The following CALN1 variants were observed in gnomAD, a reference collection of about 807,000 sequenced individuals.
CALN1 encodes calneuron 1.
CALN1 carries 17 observed loss-of-function variants against 30.6 expected under a neutral mutation model. That is an observed-to-expected ratio of 0.56 (90% confidence interval 0.38 to 0.83). The LOEUF is 0.83. Among genes scored for constraint, CALN1 ranks in the 40% least tolerant of loss-of-function variants. The pLI, the probability that CALN1 is intolerant of heterozygous loss-of-function variation, is 0.00. For missense variants in CALN1, 291 were observed against 354.9 expected, an observed-to-expected ratio of 0.82 and a Z score of 1.45; for synonymous variants, 156 against 131.4, an observed-to-expected ratio of 1.19 and a Z score of -1.28.
rs75413325 is a variant in CALN1, at chr7:72,305,753, A to T, written c.120-26943T>A. Among the ~76,000 whole-genome samples the T allele has an allele frequency of 9.5e-3, 1,454 of 152,336 alleles. 12 individuals are homozygous for T. The highest frequency in any genetic ancestry group is 0.014 in the Non-Finnish European group (947 of 68,046). ...AGACTACAGACCGGGTGGCTTAAAC[A>T]ACAGAAATTAATTTTCTTATAGCCT... On this transcript the variant is annotated intron_variant, in intron 2 of 6. Coordinates refer to ENST00000395275, the MANE Select transcript of CALN1 (RefSeq NM_031468.4).
chr7:72,190,552 G>C (rs1490760415), intron 3 of CALN1, among the ~76,000 whole-genome samples: 1 of 152,210 alleles, frequency 6.6e-6, no homozygotes, highest in East Asian at 1.9e-4. Context: ...CCAAATGCTA[G>C]TTAATACAAA....
chr7:72,313,440 G>A (rs568322676), intron 2 of CALN1, among the ~76,000 whole-genome samples: 1 of 152,266 alleles, frequency 6.6e-6, no homozygotes, highest in South Asian at 2.1e-4. Flanking sequence ...CACCCAGGCT[G>A]AAGTGGAGTG....
the CALN1 span, among the ~76,000 whole-genome samples, chr7:72,476,812 G>A: frequency 6.6e-6 from 1 of 152,220 alleles, no homozygotes; most frequent in Non-Finnish European, 1.5e-5. Context: ...AAATCAGACA[G>A]GGGCAGAGTC....
intron 2 of CALN1, among the ~76,000 whole-genome samples, chr7:72,299,898 T>G (rs1297322482): frequency 6.6e-6 from 1 of 151,996 alleles, no homozygotes; most frequent in Non-Finnish European, 1.5e-5. Context: ...TTTGTTTTTT[T>G]GTTTGTTGTT....
intron 3 of CALN1, among the ~76,000 whole-genome samples, chr7:72,153,619 C>T (rs915444398): frequency 2.0e-5 from 3 of 152,002 alleles, no homozygotes; most frequent in Non-Finnish European, 2.9e-5. Context: ...GAGTTCAAGG[C>T]TGCAGTGAGC....
intron 3 of CALN1, among the ~76,000 whole-genome samples, chr7:72,142,182 G>GTT (rs1563093240): frequency 2.6e-5 from 4 of 152,082 alleles, no homozygotes; most frequent in African/African-American, 4.8e-5. Flanking sequence ...GGCATCGCCT[G>GTT]ACCTGGGAAG....
chr7:71,794,182 G>A (rs1014910630), intron 6 of CALN1, among the ~76,000 whole-genome samples: 3 of 152,090 alleles, frequency 2.0e-5, no homozygotes, highest in Admixed American at 6.6e-5. Context: ...TGGCAGAGGT[G>A]GGATTTGAGC....
chr7:71,938,470 C>T (rs1033456532), intron 5 of CALN1, among the ~76,000 whole-genome samples: 1 of 151,768 alleles, frequency 6.6e-6, no homozygotes, highest in African/African-American at 2.4e-5. Flanking sequence ...GAGAGTGGGG[C>T]GGGGGAAAGA....
chr7:72,400,320 G>A (rs1164753161), intron 2 of CALN1, among the ~76,000 whole-genome samples: 1 of 152,090 alleles, frequency 6.6e-6, no homozygotes, highest in Non-Finnish European at 1.5e-5. Context: ...TTGGAATTGA[G>A]ACCACACTGA....
rs199822867 is a variant in CALN1, at chr7:72,000,249, C to CA, written c.501+23407dup. ...ATCATTGAAACAAAAGCATATTTTT[C>CA]AAAAAAAAAGAATAAAATTGACACA... On this transcript the variant is annotated intron_variant, in intron 5 of 6. Transcript: ENST00000395275. Among the ~76,000 whole-genome samples the CA allele has an allele frequency of 4.0e-3, 592 of 149,058 alleles. 4 individuals carry two copies. The highest frequency in any genetic ancestry group is 8.7e-3 in the African/African-American group (355 of 40,694).
At chr7:72,399,546 G>C (rs562781413) in intron 2 of CALN1, among the ~76,000 whole-genome samples, 1 of 152,202 alleles carries the variant, frequency 6.6e-6, no homozygotes, top group Non-Finnish European at 1.5e-5. Flanking sequence ...TGGGATTACA[G>C]GCATGAGCCA....
At chr7:72,361,618 C>A (rs1803573233) in intron 2 of CALN1, among the ~76,000 whole-genome samples, 1 of 152,150 alleles carries the variant, frequency 6.6e-6, no homozygotes, top group African/African-American at 2.4e-5. Context: ...CCAAATGATA[C>A]CACGTTTACA....
rs542683818 is a variant in CALN1 at position 71,807,721 on chromosome 7, C to T, written c.658+2615G>A. ...TTGGGATGCTGAGGAGGGGGAATCACTTGAGGTCAGGAGTTCAAGACCAGC... is the reference window on the plus strand; with the variant it reads ...TTGGGATGCTGAGGAGGGGGAATCATTTGAGGTCAGGAGTTCAAGACCAGC... On this transcript the variant is annotated intron_variant, in intron 6 of 6. Coordinates refer to ENST00000395275, the MANE Select transcript of CALN1 (RefSeq NM_031468.4). Among the ~76,000 whole-genome samples, 18 of 152,204 alleles carry T rather than the reference C, an allele frequency of 1.2e-4. No homozygotes were observed. The South Asian group carries it at 3.1e-3, about 26-fold the overall frequency.
chr7:72,226,757 A>C (rs113510590), intron 3 of CALN1, among the ~76,000 whole-genome samples: 1 of 152,200 alleles, frequency 6.6e-6, no homozygotes. Context: ...AATGGGAACC[A>C]TAAGTCTGGC....
At chr7:71,927,744 C>T (rs1795341385) in intron 5 of CALN1, among the ~76,000 whole-genome samples, 1 of 152,106 alleles carries the variant, frequency 6.6e-6, no homozygotes, top group South Asian at 2.1e-4. Context: ...TTTCCTAGTC[C>T]AGCCTTGGTC....
chr7:72,296,895 T>C (rs928579793), intron 2 of CALN1, among the ~76,000 whole-genome samples: 3 of 151,898 alleles, frequency 2.0e-5, no homozygotes, highest in Non-Finnish European at 2.9e-5. Flanking sequence ...TCTTGCCTTC[T>C]GCTAGCTTTT....
At chr7:71,845,635 G>C (rs1790184425) in intron 5 of CALN1, among the ~76,000 whole-genome samples, 1 of 152,152 alleles carries the variant, frequency 6.6e-6, no homozygotes, top group Non-Finnish European at 1.5e-5. Flanking sequence ...CATGGCTGGG[G>C]AACTTGTTAG....
chr7:72,207,266 T>C (rs1416634145), intron 3 of CALN1, among the ~76,000 whole-genome samples: 4 of 152,094 alleles, frequency 2.6e-5, no homozygotes, highest in Non-Finnish European at 5.9e-5. Flanking sequence ...AACTTATTCT[T>C]ATCTTGAGTT....
At chr7:72,155,912 C>T (rs1332743970) in intron 3 of CALN1, among the ~76,000 whole-genome samples, 1 of 152,124 alleles carries the variant, frequency 6.6e-6, no homozygotes, top group Non-Finnish European at 1.5e-5. Context: ...ACCTTCAATG[C>T]CAGCTGAATA....
Sources: gnomAD v4.1 joint callset for allele counts (sites outside exome capture counted in the v4.1 genomes callset) on GRCh38, gnomAD v4.1.1 for gene constraint, MANE v1.5 for transcripts, NCBI Gene and HGNC (gene_info 2026-07-23, HGNC 2026-07-21) for gene names.